PTPRD: variants seen among roughly 807,000 people sequenced by gnomAD.
The protein encoded by PTPRD is protein tyrosine phosphatase receptor type D, also known as receptor-type tyrosine-protein phosphatase delta.
Under a neutral mutation model 214.5 loss-of-function variants are expected in PTPRD, and 34 were observed. The observed-to-expected ratio is 0.16, with a 90% CI of 0.12 to 0.21. PTPRD has a LOEUF of 0.21. PTPRD is among the 10% of genes least tolerant of loss of function. The pLI is 1.00. For synonymous variants in PTPRD, 1,128 were observed against 845.7 expected (o/e 1.33, Z -5.79); for missense variants, 2,545 against 2,398.7 (o/e 1.06, Z -1.27).
At chr9:8,998,547 C>A (rs968457313) in intron 11 of PTPRD, among the ~76,000 whole-genome samples, 6 of 152,132 alleles carry the variant, frequency 3.9e-5, no homozygotes, top group African/African-American at 1.4e-4. Flanking sequence ...CCTAGTTACC[C>A]AAGAGCTCTG....
chr9:9,300,950 G>A (rs2134736857), intron 9 of PTPRD, among the ~76,000 whole-genome samples: 1 of 151,722 alleles, frequency 6.6e-6, no homozygotes, highest in African/African-American at 2.4e-5. Flanking sequence ...TGAGTGCTTG[G>A]ATAATACACT....
intron 12 of PTPRD, among the ~76,000 whole-genome samples, chr9:8,730,889 G>GGGA (rs1440700621): frequency 6.6e-6 from 1 of 152,110 alleles, no homozygotes; most frequent in Non-Finnish European, 1.5e-5. Flanking sequence ...CAGCTCTACT[G>GGGA]TCCAGACATG....
At chr9:8,701,708 T>C (rs2098088519) in intron 12 of PTPRD, among the ~76,000 whole-genome samples, 2 of 152,174 alleles carry the variant, frequency 1.3e-5, no homozygotes, top group African/African-American at 4.8e-5. Context: ...TTTGTCACCC[T>C]TGGATGCCCA....
At chr9:8,497,686 T>C (rs920460048) in intron 25 of PTPRD, among the ~76,000 whole-genome samples, 1 of 152,138 alleles carries the variant, frequency 6.6e-6, no homozygotes, top group African/African-American at 2.4e-5. Context: ...TAATGAAATT[T>C]CAGTGAAGAG....
intron 11 of PTPRD, among the ~76,000 whole-genome samples, chr9:8,988,137 G>A (rs577970368): frequency 6.6e-6 from 1 of 151,962 alleles, no homozygotes; most frequent in Admixed American, 6.6e-5. Flanking sequence ...ATTTCAAGGA[G>A]GTAGTTGTAG....
intron 3 of PTPRD, among the ~76,000 whole-genome samples, chr9:10,100,809 C>G (rs2098544688): frequency 1.3e-5 from 2 of 151,384 alleles, no homozygotes; most frequent in South Asian, 4.1e-4. Context: ...GACGATCCTC[C>G]TTGTTTTGTA....
At chr9:9,793,226 G>T (rs1055093675) in intron 5 of PTPRD, among the ~76,000 whole-genome samples, 2 of 152,070 alleles carry the variant, frequency 1.3e-5, no homozygotes, top group Non-Finnish European at 2.9e-5. Flanking sequence ...GATGCCAATT[G>T]AATGGAAATT....
At chr9:10,126,303 T>A (rs949716894) in intron 3 of PTPRD, among the ~76,000 whole-genome samples, 1 of 152,204 alleles carries the variant, frequency 6.6e-6, no homozygotes, top group Middle Eastern at 3.4e-3. Flanking sequence ...AATTTCCCAT[T>A]AATATTTAAT....
In PTPRD at chr9:10,293,065, G is replaced by C. The variant is rs917984986; in HGVS notation, c.-545+47898C>G. Among the ~76,000 whole-genome samples, 12 of 151,892 alleles carry C rather than the reference G, an allele frequency of 7.9e-5. No homozygotes were observed. The South Asian group carries it at 1.4e-3, about 18-fold the overall frequency. On this transcript the variant is annotated intron_variant, in intron 3 of 45. Transcript: ENST00000381196. ...AAAGAATAGGAACACTGTGAAGGAA[G>C]TTTTATTGATGTCACTTTAAATATT...
At chr9:8,325,172 T>C (rs1832403537) in intron 44 of PTPRD, among the ~76,000 whole-genome samples, 1 of 150,394 alleles carries the variant, frequency 6.6e-6, no homozygotes, top group South Asian at 2.1e-4. Context: ...AGTCTTTGTG[T>C]ATACCTATGT....
intron 8 of PTPRD, among the ~76,000 whole-genome samples, chr9:9,479,762 A>T (rs1289577676): frequency 6.6e-6 from 1 of 152,000 alleles, no homozygotes; most frequent in African/African-American, 2.4e-5. Context: ...AAAACAAAAA[A>T]CTCTTAAATT....
rs142692724 is a variant in PTPRD at position 10,228,549 on chromosome 9, T to C, written c.-545+112414A>G. Among the ~76,000 whole-genome samples, 1,237 of 152,032 alleles carry C rather than the reference T, an allele frequency of 8.1e-3. 10 individuals carry two copies. The highest frequency in any genetic ancestry group is 0.014 in the Non-Finnish European group (921 of 67,916). On this transcript the variant is annotated intron_variant, in intron 3 of 45. Transcript: ENST00000381196. ...ACTTTTCGAATATAAGAAAATCCAC[T>C]GGAGCTACCCCTAGAGCACAGTAAA...
intron 9 of PTPRD, among the ~76,000 whole-genome samples, chr9:9,240,242 A>C (rs1052318252): frequency 1.3e-5 from 2 of 152,208 alleles, no homozygotes; most frequent in African/African-American, 4.8e-5. Flanking sequence ...AATAGTTATT[A>C]AATGTCTGCC....
At chr9:8,487,762 A>T (rs906109036) in intron 27 of PTPRD, among the ~76,000 whole-genome samples, 2 of 152,190 alleles carry the variant, frequency 1.3e-5, no homozygotes, top group East Asian at 1.9e-4. Flanking sequence ...GTGAGCCGAG[A>T]TCATGCCACT....
chr9:8,339,095 A>ATTCTGTATATTATCTATC, intron 42 of PTPRD, 48 bp from the exon 43 acceptor site: 1 of 1,546,560 alleles, frequency 6.5e-7, no homozygotes, highest in African/African-American at 1.4e-5. Context: ...TATAAAGAAC[A>ATTCTGTATATTATCTATC]TTCTGTATAT....
chr9:8,827,809 T>C (rs1459043262), intron 11 of PTPRD, among the ~76,000 whole-genome samples: 1 of 152,196 alleles, frequency 6.6e-6, no homozygotes, highest in East Asian at 1.9e-4. Flanking sequence ...TAAATATGGA[T>C]GTAATCCAAT....
intron 44 of PTPRD, among the ~76,000 whole-genome samples, chr9:8,322,533 T>C (rs1411777324): frequency 6.6e-6 from 1 of 152,084 alleles, no homozygotes; most frequent in African/African-American, 2.4e-5. Context: ...AGGCCCTAAC[T>C]CTCTTCAATT....
chr9:9,949,662 T>C (rs560783600), intron 4 of PTPRD, among the ~76,000 whole-genome samples: 7 of 152,226 alleles, frequency 4.6e-5, no homozygotes, highest in Non-Finnish European at 7.4e-5. Context: ...TACACTTTCA[T>C]TGGAAACTCT....
At chr9:9,916,794 C>T (rs1385714761) in intron 5 of PTPRD, among the ~76,000 whole-genome samples, 8 of 151,962 alleles carry the variant, frequency 5.3e-5, no homozygotes, top group Admixed American at 5.2e-4. Context: ...CACATCAGCA[C>T]ATGGAACATT....
Sources: allele counts gnomAD v4.1 joint callset (sites outside exome capture counted in the v4.1 genomes callset), GRCh38; gene constraint gnomAD v4.1.1; transcripts MANE v1.5; gene names NCBI Gene and HGNC (gene_info 2026-07-23, HGNC 2026-07-21).